Variants in SLC9A8 observed in about 807,000 individuals in gnomAD.
The protein encoded by SLC9A8 is solute carrier family 9 member A8.
In SLC9A8, 48 loss-of-function variants were observed where a neutral mutation model predicts 66.6. The observed-to-expected ratio is 0.72, with a 90% confidence interval of 0.57 to 0.92. SLC9A8 has a LOEUF of 0.92. Ranked by LOEUF, SLC9A8 falls within the 40% of genes least tolerant of loss-of-function variation. The pLI is 0.00. For synonymous variants in SLC9A8, 274 were observed against 282.6 expected (o/e 0.97, Z 0.31); for missense variants, 599 against 747.3 (o/e 0.80, Z 2.31).
At position 49,891,868 on chromosome 20, in the gene SLC9A8, T is replaced by C. The variant is rs2146813139; in HGVS notation, c.*3932T>C. 1 of 152,406 alleles carries C rather than the reference T, an allele frequency of 6.6e-6. No individual in the cohort carries two copies. The highest frequency in any genetic ancestry group is 1.9e-4 in the East Asian group (1 of 5,192). The allele number at this position is 152,406 out of a possible 1,614,324, so 9.4% of individuals were successfully genotyped here. A position where few individuals can be genotyped will look rare whatever the true frequency, so the allele number is the denominator to read the frequency against. On this transcript the variant is annotated 3_prime_UTR_variant, in exon 16 of 16. Transcript: ENST00000361573. ...TGCAAATCTTGAATCGTCCTCAAAA[T>C]GACGAAGCTTGAATTGTCCTCAAGA...
In SLC9A8 at chr20:49,862,974, G is replaced by T. The variant is rs146089880; in HGVS notation, c.759G>T (p.Gly253=). The change falls in exon 9 of 16, where the codon GGG becomes GGT. Residue 253 remains glycine, a synonymous_variant. Coordinates refer to ENST00000361573, the MANE Select transcript of SLC9A8 (RefSeq NM_015266.3). ...LTRKNMSDVS[G]WQTFLQALDY... ...GAAAAAATATGTCAGATGTCAGTGG[G>T]TGGCAAACATTTTTACAAGCCCTTG... The T allele has an allele frequency of 1.1e-4, 176 of 1,613,620 alleles. No individual in the cohort carries two copies. The highest frequency in any genetic ancestry group is 1.4e-4 in the Non-Finnish European group (164 of 1,179,630).
chr20:49,814,455 G>T (rs1452059222), intron 1 of SLC9A8, among the ~76,000 whole-genome samples: 1 of 152,182 alleles, frequency 6.6e-6, no homozygotes, highest in Non-Finnish European at 1.5e-5. Context: ...TGAAAGAGCT[G>T]TGGGAACATA....
At chr20:49,885,274 G>A (rs1054526268) in intron 14 of SLC9A8, among the ~76,000 whole-genome samples, 4 of 152,210 alleles carry the variant, frequency 2.6e-5, no homozygotes, top group Admixed American at 6.5e-5. Context: ...AGGCTGCTGG[G>A]TCTCACACCA....
rs569628463 is a variant in SLC9A8 at position 49,834,727 on chromosome 20, C to T, written c.290-4814C>T. On this transcript the variant is annotated intron_variant, in intron 3 of 15. Coordinates refer to ENST00000361573, the MANE Select transcript of SLC9A8 (RefSeq NM_015266.3). ...TAGTACATCATAAATAATAAAAAGA[C>T]GCAGGCTTGGGCAATAGAATAATTA... Among the ~76,000 whole-genome samples, 295 of 151,982 alleles carry T rather than the reference C, an allele frequency of 1.9e-3. 1 individual carries two copies. The highest frequency in any genetic ancestry group is 6.8e-3 in the African/African-American group (283 of 41,454).
At chr20:49,822,565 G>A (rs2086779489) in intron 2 of SLC9A8, among the ~76,000 whole-genome samples, 1 of 152,238 alleles carries the variant, frequency 6.6e-6, no homozygotes, top group South Asian at 2.1e-4. Flanking sequence ...TGAGTGGATT[G>A]CTTGAGCCCA....
intron 2 of SLC9A8, among the ~76,000 whole-genome samples, chr20:49,815,861 G>C (rs573826333): frequency 6.6e-6 from 1 of 152,262 alleles, no homozygotes; most frequent in South Asian, 2.1e-4. Context: ...GGTGGGAGGA[G>C]TCAGATGGGA....
intron 4 of SLC9A8, among the ~76,000 whole-genome samples, chr20:49,840,473 GA>G (rs1229431690): frequency 6.6e-6 from 1 of 152,160 alleles, no homozygotes; most frequent in Non-Finnish European, 1.5e-5. Flanking sequence ...TAGGTGCTAG[GA>G]TTAATTGACC....
intron 3 of SLC9A8, among the ~76,000 whole-genome samples, chr20:49,835,679 CT>C (rs34461954): frequency 0.2 from 14,179 of 71,228 alleles, 406 homozygotes; most frequent in Middle Eastern, 0.27. Flanking sequence ...ACACAATTCA[CT>C]TTTTTTTTTT....
intron 7 of SLC9A8, among the ~76,000 whole-genome samples, chr20:49,852,983 C>T (rs2088313931): frequency 6.6e-6 from 1 of 152,174 alleles, no homozygotes; most frequent in Non-Finnish European, 1.5e-5. Context: ...ATTTTAGGGA[C>T]ACATGAGACA....
chr20:49,815,355 A>T, intron 2 of SLC9A8, 166 bp downstream of exon 2: 1 of 446,156 alleles, frequency 2.2e-6, no homozygotes, highest in Non-Finnish European at 3.8e-6. Context: ...TTAACAGGAA[A>T]CTCTCTTCTT....
At chr20:49,818,547 G>T (rs1229647797) in intron 2 of SLC9A8, among the ~76,000 whole-genome samples, 1 of 145,668 alleles carries the variant, frequency 6.9e-6, no homozygotes, top group Non-Finnish European at 1.5e-5. Context: ...CTGGAGTGCA[G>T]TGGCATGATC....
At chr20:49,830,185 G>A (rs760352210) in intron 3 of SLC9A8, 23 of 780,570 alleles carry the variant, frequency 2.9e-5, no homozygotes, top group South Asian at 2.0e-4. Flanking sequence ...ACCTCCATCC[G>A]GGCAGCTGAC....
At chr20:49,818,500 T>TTA (rs1568785743) in intron 2 of SLC9A8, among the ~76,000 whole-genome samples, 1 of 149,766 alleles carries the variant, frequency 6.7e-6, no homozygotes, top group African/African-American at 2.5e-5. Flanking sequence ...TTTTTTTTTT[T>TTA]TTCCCCCTGA....
chr20:49,815,309 C>A, intron 2 of SLC9A8, 120 bp downstream of exon 2: 1 of 751,542 alleles, frequency 1.3e-6, no homozygotes, highest in South Asian at 2.4e-5. Context: ...GTTTTCATAT[C>A]AAACACTGAG....
chr20:49,883,717 C>A, intron 13 of SLC9A8, 129 bp from the exon 14 acceptor site: 1 of 700,978 alleles, frequency 1.4e-6, no homozygotes, highest in Non-Finnish European at 2.4e-6. Flanking sequence ...GGTGAGCACA[C>A]ACTCTTCAGC....
At chr20:49,842,479 C>G (rs1021668778) in intron 4 of SLC9A8, among the ~76,000 whole-genome samples, 10 of 152,152 alleles carry the variant, frequency 6.6e-5, no homozygotes, top group African/African-American at 2.2e-4. Context: ...CATCAGAGGT[C>G]AAGTCTGCTC....
intron 2 of SLC9A8, among the ~76,000 whole-genome samples, chr20:49,821,549 C>T (rs577865303): frequency 1.3e-5 from 2 of 152,184 alleles, no homozygotes; most frequent in South Asian, 2.1e-4. Flanking sequence ...ATTAAAGAAA[C>T]CTAATTTGTC....
chr20:49,830,565 G>T, intron 3 of SLC9A8: 1 of 616,778 alleles, frequency 1.6e-6, no homozygotes, highest in Non-Finnish European at 2.9e-6. Flanking sequence ...CAGGTCGGGG[G>T]GTCGCTTTCC....
intron 12 of SLC9A8, 48 bp from the exon 13 acceptor site, chr20:49,880,876 G>T (rs774107180): frequency 7.9e-7 from 1 of 1,272,290 alleles, no homozygotes; most frequent in South Asian, 1.2e-5. Context: ...GCTTCAGCTT[G>T]AAGAGCCAGA....
Sources: gnomAD v4.1 joint callset for allele counts (sites outside exome capture counted in the v4.1 genomes callset) on GRCh38, gnomAD v4.1.1 for gene constraint, MANE v1.5 for transcripts, NCBI Gene and HGNC (gene_info 2026-07-23, HGNC 2026-07-21) for gene names.